Variants in SUCLG2 observed in about 807,000 individuals in gnomAD.
SUCLG2 encodes the protein succinate--CoA ligase [GDP-forming] subunit beta, mitochondrial.
Under a neutral mutation model 47.9 loss-of-function variants are expected in SUCLG2, and 42 were observed. That is an observed-to-expected ratio of 0.88 (90% CI 0.69 to 1.14). SUCLG2 has a LOEUF of 1.14. SUCLG2 is among the 50% of genes most tolerant of loss of function. The probability of loss-of-function intolerance (pLI) is 0.00; values close to 1 mark genes in which losing one functional copy is unlikely to be tolerated. For synonymous variants in SUCLG2, 195 were observed against 197.3 expected (o/e 0.99, Z 0.10); for missense variants, 571 against 525.9 (o/e 1.09, Z -0.84).
At chr3:67,384,977 T>C (rs1702230826) in intron 10 of SUCLG2, among the ~76,000 whole-genome samples, 1 of 152,232 alleles carries the variant, frequency 6.6e-6, no homozygotes, top group South Asian at 2.1e-4. Context: ...GGTGGCGCTC[T>C]CTGGAAGAGT....
At chr3:67,469,700 G>T (rs1483676791) in intron 9 of SUCLG2, among the ~76,000 whole-genome samples, 2 of 151,776 alleles carry the variant, frequency 1.3e-5, no homozygotes, top group Non-Finnish European at 2.9e-5. Flanking sequence ...CTGCACTCCA[G>T]CCTGGGTGAC....
intron 7 of SUCLG2, among the ~76,000 whole-genome samples, chr3:67,506,238 T>C (rs976334368): frequency 1.3e-5 from 2 of 152,194 alleles, no homozygotes; most frequent in African/African-American, 4.8e-5. Context: ...GGGACTGTGA[T>C]AATGATGAAG....
Position 67,374,824 on chromosome 3 carries a change from T to C in SUCLG2, c.*920A>G. The C allele has an allele frequency of 1.1e-6, 1 of 945,274 alleles. No individual in the cohort carries two copies. Among genetic ancestry groups the C allele is most frequent in the Non-Finnish European group, 1.2e-6 (1 of 810,356 alleles). 58.6% of individuals were successfully genotyped at this position (945,274 alleles called of 1,614,324 possible). A position where few individuals can be genotyped will look rare whatever the true frequency, so the allele number is the denominator to read the frequency against. On this transcript the variant is annotated 3_prime_UTR_variant, in exon 11 of 11. Transcript: ENST00000307227. ...TCCTTTCCCACAACAAAATTGGACA[T>C]CATGGAAAAAAAAAACACATTCAAA...
chr3:67,389,023 G>A (rs1383627242), intron 10 of SUCLG2, among the ~76,000 whole-genome samples: 1 of 152,126 alleles, frequency 6.6e-6, no homozygotes, highest in Non-Finnish European at 1.5e-5. Flanking sequence ...TCAGAAGGAT[G>A]TCCTGGAGAG....
At chr3:67,603,869 T>G (rs1035228422) in intron 2 of SUCLG2, among the ~76,000 whole-genome samples, 1 of 152,178 alleles carries the variant, frequency 6.6e-6, no homozygotes, top group African/African-American at 2.4e-5. Context: ...ATTCACACAG[T>G]AGGTATTCTG....
intron 9 of SUCLG2, among the ~76,000 whole-genome samples, chr3:67,492,087 G>A (rs1416172597): frequency 6.6e-6 from 1 of 152,154 alleles, no homozygotes; most frequent in African/African-American, 2.4e-5. Flanking sequence ...TATTTCAAGG[G>A]CTTAGAAAAT....
intron 9 of SUCLG2, among the ~76,000 whole-genome samples, chr3:67,401,595 A>T (rs77817775): frequency 0.066 from 9,870 of 149,590 alleles, 338 homozygotes; most frequent in Middle Eastern, 0.13. Flanking sequence ...AAAAAAACAA[A>T]CTCTACTTGT....
intron 9 of SUCLG2, among the ~76,000 whole-genome samples, chr3:67,419,793 A>C (rs1444559894): frequency 6.6e-6 from 1 of 152,188 alleles, no homozygotes; most frequent in Non-Finnish European, 1.5e-5. Flanking sequence ...ACAAGCAGGA[A>C]AAGAAAATAG....
chr3:67,640,788 CT>C (rs1408626283), intron 1 of SUCLG2, among the ~76,000 whole-genome samples: 45 of 152,228 alleles, frequency 3.0e-4, no homozygotes, highest in African/African-American at 1.0e-3. Flanking sequence ...TTACAATCAG[CT>C]TTTGATTGCA....
intron 2 of SUCLG2, among the ~76,000 whole-genome samples, chr3:67,537,899 C>T (rs1401303992): frequency 2.0e-5 from 3 of 152,170 alleles, no homozygotes; most frequent in African/African-American, 4.8e-5. Flanking sequence ...ATCCTTCACC[C>T]ACTTTTTGAT....
chr3:67,513,672 T>C (rs749474081), intron 6 of SUCLG2, among the ~76,000 whole-genome samples: 1 of 152,212 alleles, frequency 6.6e-6, no homozygotes, highest in Non-Finnish European at 1.5e-5. Context: ...AAAGAAAACA[T>C]TCTCCTGGTC....
intron 9 of SUCLG2, among the ~76,000 whole-genome samples, chr3:67,437,232 G>A (rs959667328): frequency 1.3e-5 from 2 of 152,120 alleles, no homozygotes; most frequent in Non-Finnish European, 2.9e-5. Context: ...TTCATTAGAT[G>A]TGAGTCAGCA....
In SUCLG2 at chr3:67,654,610, G is replaced by C. The variant is rs2107396377; in HGVS notation, c.-24C>G. ...ATCTTAAACAGGAAACTCGGCACGG[G>C]GCAGTAGGGCGGGCGCGGGCAGGGG... On this transcript the variant is annotated 5_prime_UTR_variant, in exon 1 of 11. Transcript: ENST00000307227. 1 of 1,261,920 alleles carries C rather than the reference G, an allele frequency of 7.9e-7. No individual in the cohort carries two copies. The highest frequency in any genetic ancestry group is 1.0e-6 in the Non-Finnish European group (1 of 1,001,900). 78.2% of individuals were successfully genotyped at this position (1,261,920 alleles called of 1,614,324 possible).
chr3:67,609,598 T>C lies in SUCLG2; in HGVS notation c.85-2A>G, dbSNP rs1191644690. On this transcript the variant is annotated splice_acceptor_variant, in intron 1 of 10. Transcript: ENST00000307227. LOFTEE classifies it high-confidence loss of function. The stretch of plus-strand genomic sequence containing the variant: ...TCTTCTGGAGGTTAATTGAACTGCC[T>C]ACAGAAATTGAAGGAGAGAGGTAAG... The C allele has an allele frequency of 6.2e-7, 1 of 1,611,934 alleles. No individual in the cohort carries two copies. The highest frequency in any genetic ancestry group is 1.7e-5 in the Admixed American group (1 of 59,644).
intron 2 of SUCLG2, among the ~76,000 whole-genome samples, chr3:67,561,571 T>A (rs1023045832): frequency 5.3e-5 from 8 of 152,176 alleles, no homozygotes; most frequent in African/African-American, 1.9e-4. Flanking sequence ...TGTATCTTCA[T>A]ATTCCAGCAA....
chr3:67,616,545 T>C (rs1050667721), intron 1 of SUCLG2, among the ~76,000 whole-genome samples: 3 of 152,212 alleles, frequency 2.0e-5, no homozygotes, highest in Non-Finnish European at 4.4e-5. Context: ...ATCTATAATT[T>C]AAAAAAATTT....
At chr3:67,423,350 C>A (rs1456543836) in intron 9 of SUCLG2, among the ~76,000 whole-genome samples, 1 of 152,140 alleles carries the variant, frequency 6.6e-6, no homozygotes, top group African/African-American at 2.4e-5. Flanking sequence ...AAACTCTTAT[C>A]TTTATAAATT....
intron 2 of SUCLG2, among the ~76,000 whole-genome samples, chr3:67,569,079 T>A (rs1707544389): frequency 6.6e-6 from 1 of 152,142 alleles, no homozygotes; most frequent in African/African-American, 2.4e-5. Flanking sequence ...CCCACCCCTA[T>A]CCTAACTGGA....
At chr3:67,373,141 G>A (rs967727601), downstream of SUCLG2, among the ~76,000 whole-genome samples, 2 of 151,990 alleles carry the variant, frequency 1.3e-5, no homozygotes, top group African/African-American at 4.8e-5. Context: ...TGAACATATA[G>A]TGTATTCTAC....
Sources: gnomAD v4.1 joint callset for allele counts (sites outside exome capture counted in the v4.1 genomes callset) on GRCh38, gnomAD v4.1.1 for gene constraint, MANE v1.5 for transcripts, NCBI Gene and HGNC (gene_info 2026-07-23, HGNC 2026-07-21) for gene names.